Variants in BAIAP2L1 observed in about 807,000 individuals in gnomAD.
The protein encoded by BAIAP2L1 is BAR/IMD domain containing adaptor protein 2 like 1.
BAIAP2L1 carries 35 observed loss-of-function variants against 66.3 expected under a neutral mutation model. That is an observed-to-expected ratio of 0.53 (90% CI 0.40 to 0.70). The LOEUF is 0.70. BAIAP2L1 is among the 30% of genes least tolerant of loss of function. The pLI is 0.00. For synonymous variants in BAIAP2L1, 269 were observed against 248.7 expected (o/e 1.08, Z -0.77); for missense variants, 622 against 656.9 (o/e 0.95, Z 0.58).
intron 1 of BAIAP2L1, among the ~76,000 whole-genome samples, chr7:98,384,627 T>C (rs1802840686): frequency 6.6e-6 from 1 of 151,766 alleles, no homozygotes; most frequent in South Asian, 2.1e-4. Context: ...GCTACTTTTA[T>C]AGTAGTATCT....
chr7:98,353,439 AATAT>A lies in BAIAP2L1; in HGVS notation c.214+1599_214+1602del, dbSNP rs1463761631. On this transcript the variant is annotated intron_variant, in intron 3 of 13. Coordinates refer to ENST00000005260, the MANE Select transcript of BAIAP2L1 (RefSeq NM_018842.5). ...TATAAATATATTTATATTATATATA[AATAT>A]ATATACATACATATTTATATTATAA... Among the ~76,000 whole-genome samples, 6 of 136,922 alleles carry A rather than the reference AATAT, an allele frequency of 4.4e-5. No homozygotes were observed. In the South Asian group the frequency reaches 8.6e-4, roughly 20 times the overall value. The allele number at this position is 136,922 out of a possible 152,430, so 89.8% of individuals were successfully genotyped here. A position where few individuals can be genotyped will look rare whatever the true frequency, so the allele number is the denominator to read the frequency against.
intron 1 of BAIAP2L1, among the ~76,000 whole-genome samples, chr7:98,363,266 C>T (rs1426631965): frequency 6.6e-6 from 1 of 151,974 alleles, no homozygotes; most frequent in Admixed American, 6.6e-5. Flanking sequence ...AACTCCTGAC[C>T]TCAGGTTATC....
chr7:98,296,551 G>GA (rs1800199791), intron 12 of BAIAP2L1, among the ~76,000 whole-genome samples: 1 of 152,206 alleles, frequency 6.6e-6, no homozygotes, highest in South Asian at 2.1e-4. Flanking sequence ...CTTGAACAGG[G>GA]AGGCAGAGGT....
chr7:98,304,206 G>C lies in BAIAP2L1; in HGVS notation c.1412C>G (p.Thr471Ser). 6 of 1,598,662 alleles carry C rather than the reference G, an allele frequency of 3.8e-6. No homozygotes were observed. The highest frequency in any genetic ancestry group is 5.1e-6 in the Non-Finnish European group (6 of 1,172,032). ...TGCGGCTTTACTCACAGGAGCCGCG[G>C]TCTCGGGCTTGGACGCTGGGGCCTT... ...TFKAPASKPE[T>S]AAPNDANGTA... The change falls in exon 12 of 14, where the codon ACC (threonine) becomes AGC (serine). Residue 471 changes from threonine (T) to serine (S), a missense_variant. By Grantham distance (58) the Thr-to-Ser change is moderately conservative (BLOSUM62 1). Coordinates refer to ENST00000005260, the MANE Select transcript of BAIAP2L1 (RefSeq NM_018842.5).
At chr7:98,400,761 G>A in intron 1 of BAIAP2L1, 41 bp downstream of exon 1, 1 of 1,546,464 alleles carries the variant, frequency 6.5e-7, no homozygotes, top group South Asian at 1.2e-5. Flanking sequence ...ACCCCGAGGT[G>A]GAAAGCCCTG....
rs529962931 is a variant in BAIAP2L1 at position 98,330,870 on chromosome 7, T to G, written c.215-10572A>C. Among the ~76,000 whole-genome samples, 3 of 152,144 alleles carry G rather than the reference T, an allele frequency of 2.0e-5. No homozygotes were observed. In the South Asian group the frequency reaches 6.2e-4, roughly 32 times the overall value. ...AGCAAGCAGATCTTATGTGGACTAATAGAGTGAGAACTCACTTATTACTGC... is the reference window on the plus strand; with the variant it reads ...AGCAAGCAGATCTTATGTGGACTAAGAGAGTGAGAACTCACTTATTACTGC... On this transcript the variant is annotated intron_variant, in intron 3 of 13. Transcript: ENST00000005260.
chr7:98,325,322 C>T (rs1258342071), intron 3 of BAIAP2L1, among the ~76,000 whole-genome samples: 1 of 151,102 alleles, frequency 6.6e-6, no homozygotes, highest in Non-Finnish European at 1.5e-5. Flanking sequence ...GAGCCGAGAT[C>T]AGGCCACTGC....
intron 2 of BAIAP2L1, among the ~76,000 whole-genome samples, chr7:98,359,205 T>C (rs1048959385): frequency 2.0e-5 from 3 of 151,584 alleles, no homozygotes; most frequent in African/African-American, 7.3e-5. Context: ...TCTGACCCTA[T>C]CCCGCCCACG....
Position 98,311,970 on chromosome 7 carries a change from A to G in BAIAP2L1, c.807+127T>C, listed in dbSNP as rs569974666. ...TTCGCCCCTAAAGGTAAGGGGATAG[A>G]GGTGCGAAAAGGTGGTCCTGGAAGT... On this transcript the variant is annotated intron_variant, in intron 8 of 13. Transcript: ENST00000005260. 19 of 909,232 alleles carry G rather than the reference A, an allele frequency of 2.1e-5. No individual in the cohort carries two copies. In the African/African-American group the frequency reaches 3.0e-4, roughly 14 times the overall value. The allele number at this position is 909,232 out of a possible 1,614,324, so 56.3% of individuals were successfully genotyped here. A position where few individuals can be genotyped will look rare whatever the true frequency, so the allele number is the denominator to read the frequency against.
Position 98,292,480 on chromosome 7 carries a change from A to C in BAIAP2L1, c.*1041T>G. The C allele has an allele frequency of 2.8e-6, 2 of 703,144 alleles. No individual in the cohort carries two copies. The highest frequency in any genetic ancestry group is 3.9e-5 in the South Asian group (2 of 50,866). The allele number at this position is 703,144 out of a possible 1,614,324, so 43.6% of individuals were successfully genotyped here. A position where few individuals can be genotyped will look rare whatever the true frequency, so the allele number is the denominator to read the frequency against. On this transcript the variant is annotated 3_prime_UTR_variant, in exon 14 of 14. Coordinates refer to ENST00000005260, the MANE Select transcript of BAIAP2L1 (RefSeq NM_018842.5). ...CTGGGCCGGGCTGGGAATTTTAACC[A>C]TGACTCTCCACTCCAAAATAGGTCC...
chr7:98,310,553 T>C lies in BAIAP2L1; in HGVS notation c.847A>G (p.Lys283Glu). 1 of 1,592,386 alleles carries C rather than the reference T, an allele frequency of 6.3e-7. No homozygotes were observed. The highest frequency in any genetic ancestry group is 8.5e-7 in the Non-Finnish European group (1 of 1,174,104). ...DYDTLSKCSP[K>E]MPPAPSGRAY... The stretch of plus-strand genomic sequence containing the variant: ...CTGCCTGAAGGAGCGGGGGGCATCT[T>C]TGGTGAGCATTTAGAAAGGGTGTCG... The change falls in exon 9 of 14, where the codon AAG becomes GAG. Residue 283 changes from lysine (K) to glutamate (E), a missense_variant. Physicochemically the swap from Lys to Glu is moderately conservative, Grantham distance 56 (BLOSUM62 1). Transcript: ENST00000005260.
intron 7 of BAIAP2L1, among the ~76,000 whole-genome samples, 182 bp from the exon 8 acceptor site, chr7:98,312,446 GA>G (rs1800908040): frequency 6.6e-6 from 1 of 152,206 alleles, no homozygotes; most frequent in African/African-American, 2.4e-5. Context: ...CACCGGCTGA[GA>G]GGGGCAAAGG....
At chr7:98,320,001 C>G in intron 5 of BAIAP2L1, 57 bp downstream of exon 5, 1 of 1,441,806 alleles carries the variant, frequency 6.9e-7, no homozygotes, top group Non-Finnish European at 9.6e-7. Context: ...CGAGTTCTCC[C>G]CAGGCTGGGA....
Position 98,348,113 on chromosome 7 carries a change from G to A in BAIAP2L1, c.214+6929C>T, listed in dbSNP as rs147804879. 3.8e-4 allele frequency among the ~76,000 whole-genome samples: 58 copies of A among 151,940 alleles called. 1 individual carries two copies. The East Asian group carries it at 9.9e-3, about 26-fold the overall frequency. On this transcript the variant is annotated intron_variant, in intron 3 of 13. Coordinates refer to ENST00000005260, the MANE Select transcript of BAIAP2L1 (RefSeq NM_018842.5). ...TAACAAACCTGCACGTTCTTCACATGTATCCCAGAACTTAAAGTATAATAA... is the reference window on the plus strand; with the variant it reads ...TAACAAACCTGCACGTTCTTCACATATATCCCAGAACTTAAAGTATAATAA...
intron 1 of BAIAP2L1, chr7:98,386,697 T>TTTTG: frequency 2.0e-6 from 1 of 507,164 alleles, no homozygotes; most frequent in Non-Finnish European, 2.9e-6. Context: ...CCAAAGGTTT[T>TTTTG]TTTTTTTTTT....
chr7:98,294,904 G>T (rs936882274), intron 12 of BAIAP2L1, among the ~76,000 whole-genome samples: 2 of 152,202 alleles, frequency 1.3e-5, no homozygotes, highest in African/African-American at 4.8e-5. Flanking sequence ...GCCAGGGCCA[G>T]GTGTGTGCGC....
chr7:98,339,010 T>TTGAGG (rs1448179348), intron 3 of BAIAP2L1, among the ~76,000 whole-genome samples: 1 of 150,838 alleles, frequency 6.6e-6, no homozygotes, highest in Non-Finnish European at 1.5e-5. Context: ...GAGGCAGAGG[T>TTGAGG]TGAGGTGAGG....
chr7:98,382,857 A>G (rs1438862494), intron 1 of BAIAP2L1, among the ~76,000 whole-genome samples: 1 of 152,192 alleles, frequency 6.6e-6, no homozygotes, highest in Non-Finnish European at 1.5e-5. Flanking sequence ...AGTAAAAATC[A>G]TTTCTTCAAA....
chr7:98,322,125 G>A (rs949090100), intron 3 of BAIAP2L1, among the ~76,000 whole-genome samples: 2 of 152,110 alleles, frequency 1.3e-5, no homozygotes, highest in Non-Finnish European at 2.9e-5. Context: ...ATTCTAGTGG[G>A]GAACTGAGAG....
Sources: allele counts gnomAD v4.1 joint callset (sites outside exome capture counted in the v4.1 genomes callset), GRCh38; gene constraint gnomAD v4.1.1; transcripts MANE v1.5; gene names NCBI Gene and HGNC (gene_info 2026-07-23, HGNC 2026-07-21).